NUP210L: variants seen among roughly 807,000 people sequenced by gnomAD.
The protein encoded by NUP210L is nuclear pore membrane glycoprotein 210-like.
In NUP210L, 74 loss-of-function variants were observed where a neutral mutation model predicts 208.5. The observed-to-expected ratio is 0.35, with a 90% CI of 0.29 to 0.43. The LOEUF is 0.43. NUP210L is among the 20% of genes least tolerant of loss of function. The pLI, the probability that NUP210L is intolerant of heterozygous loss-of-function variation, is 1.00. For synonymous variants in NUP210L, 780 were observed against 816.9 expected, an observed-to-expected ratio of 0.95 and a Z score of 0.77; for missense variants, 1,843 against 2,289.4, an observed-to-expected ratio of 0.81 and a Z score of 3.98.
intron 27 of NUP210L, 96 bp downstream of exon 27, chr1:154,045,973 A>G: frequency 1.8e-6 from 2 of 1,126,990 alleles, no homozygotes; most frequent in Non-Finnish European, 2.5e-6. Context: ...GGACAGAGTG[A>G]GACCTCATCT....
At chr1:154,153,903 C>T (rs1378962809) in intron 1 of NUP210L, among the ~76,000 whole-genome samples, 2 of 152,140 alleles carry the variant, frequency 1.3e-5, no homozygotes, top group African/African-American at 4.8e-5. Flanking sequence ...AATTTATACT[C>T]GGAACAAACC....
At chr1:154,011,235 T>C (rs2147908214) in intron 34 of NUP210L, among the ~76,000 whole-genome samples, 1 of 151,628 alleles carries the variant, frequency 6.6e-6, no homozygotes, top group East Asian at 1.9e-4. Flanking sequence ...TTTTTTTTTT[T>C]TTTTTTGAGA....
chr1:154,093,884 G>A (rs1193744361), intron 15 of NUP210L, among the ~76,000 whole-genome samples: 2 of 151,848 alleles, frequency 1.3e-5, no homozygotes, highest in Non-Finnish European at 2.9e-5. Context: ...GGTGTAGTGC[G>A]TCATGCCTAT....
At chr1:154,089,514 A>G (rs767581040) in exon 16 of NUP210L, 1 of 1,614,146 alleles carries the variant, frequency 6.2e-7, no homozygotes, top group Non-Finnish European at 8.5e-7. Context: ...GGTGGGCACA[A>G]ATGAAGCGAA....
chr1:154,055,193 C>CTT (rs1424217306), intron 23 of NUP210L, among the ~76,000 whole-genome samples: 1 of 105,912 alleles, frequency 9.4e-6, no homozygotes, highest in Non-Finnish European at 2.1e-5. Flanking sequence ...CTTTCTTTTT[C>CTT]TTTCTTTCTT....
chr1:154,015,791 C>G (rs1239962813), intron 33 of NUP210L, among the ~76,000 whole-genome samples: 1 of 151,594 alleles, frequency 6.6e-6, no homozygotes, highest in Non-Finnish European at 1.5e-5. Flanking sequence ...CACCTGTGGT[C>G]CCAGCTACTC....
chr1:153,993,327 G>A (rs1649591685), intron 38 of NUP210L, among the ~76,000 whole-genome samples: 1 of 152,148 alleles, frequency 6.6e-6, no homozygotes, highest in South Asian at 2.1e-4. Flanking sequence ...AGCATTTTGG[G>A]AGGCTGAGGT....
At chr1:154,046,831 G>A (rs979979846) in intron 25 of NUP210L, among the ~76,000 whole-genome samples, 2 of 152,180 alleles carry the variant, frequency 1.3e-5, no homozygotes, top group Admixed American at 6.5e-5. Flanking sequence ...TTGGGAGGCC[G>A]GGTGGATCAC....
intron 37 of NUP210L, chr1:153,995,561 A>G (rs1649798494): frequency 1.4e-6 from 1 of 703,434 alleles, no homozygotes; most frequent in African/African-American, 1.7e-5. Context: ...GATGCTTTAA[A>G]TCCTCTGCTA....
chr1:154,131,497 C>T (rs1658250364), intron 7 of NUP210L, among the ~76,000 whole-genome samples: 1 of 152,016 alleles, frequency 6.6e-6, no homozygotes, highest in African/African-American at 2.4e-5. Flanking sequence ...CTCCTTTCTC[C>T]CTTATCTCTG....
At chr1:154,030,009 G>A (rs756160647) in exon 28 of NUP210L, 8 of 1,610,182 alleles carry the variant, frequency 5.0e-6, no homozygotes, top group Non-Finnish European at 6.8e-6. Flanking sequence ...GCTTTTGTAT[G>A]GACAACCATG....
In NUP210L at chr1:154,005,535, G is replaced by T. The variant is rs559856899; in HGVS notation, c.4931-3550C>A. ...GAGCCACCGCGCCCAGTGTTTGTTT[G>T]TTTGTTTGTTTGTTTTTTGAGATGG... is the stretch of plus-strand genomic sequence containing the variant. On this transcript the variant is annotated intron_variant, in intron 35 of 39. Transcript: ENST00000368559. 5.3e-5 allele frequency among the ~76,000 whole-genome samples: 8 copies of T among 150,882 alleles called. No individual in the cohort carries two copies. In the South Asian group the frequency reaches 1.7e-3, roughly 32 times the overall value.
intron 27 of NUP210L, among the ~76,000 whole-genome samples, chr1:154,045,391 TA>T (rs1388607360): frequency 6.6e-6 from 1 of 152,244 alleles, no homozygotes; most frequent in African/African-American, 2.4e-5. Context: ...ATTGTATATT[TA>T]TTTTTTATAC....
chr1:154,110,414 G>C (rs1299329930), intron 12 of NUP210L, among the ~76,000 whole-genome samples: 2 of 150,490 alleles, frequency 1.3e-5, no homozygotes, highest in Non-Finnish European at 2.9e-5. Context: ...TGGGATTACA[G>C]GGGCACGCCA....
At chr1:154,152,328 C>A (rs1444848933) in intron 2 of NUP210L, among the ~76,000 whole-genome samples, 1 of 151,446 alleles carries the variant, frequency 6.6e-6, no homozygotes, top group African/African-American at 2.4e-5. Context: ...TGCGCCACCA[C>A]GCCCGGCTAA....
chr1:154,026,981 G>A (rs1651915471), intron 29 of NUP210L, among the ~76,000 whole-genome samples: 1 of 151,554 alleles, frequency 6.6e-6, no homozygotes, highest in South Asian at 2.1e-4. Flanking sequence ...TACTCAGGAG[G>A]CTGAGGCAGG....
chr1:154,083,413 C>G (rs902500637), intron 16 of NUP210L, among the ~76,000 whole-genome samples: 3 of 152,200 alleles, frequency 2.0e-5, no homozygotes, highest in African/African-American at 4.8e-5. Flanking sequence ...GGCTTCACCT[C>G]TCAACTTCAG....
At chr1:154,116,970 A>G (rs1421564920) in intron 12 of NUP210L, among the ~76,000 whole-genome samples, 1 of 152,160 alleles carries the variant, frequency 6.6e-6, no homozygotes, top group East Asian at 1.9e-4. Context: ...AATAAAGACT[A>G]TACTTTCAGT....
At chr1:154,004,854 CTTTT>C (rs34638973) in intron 35 of NUP210L, among the ~76,000 whole-genome samples, 1 of 114,234 alleles carries the variant, frequency 8.8e-6, no homozygotes, top group Non-Finnish European at 1.7e-5. Flanking sequence ...TTCTTTCTTT[CTTTT>C]TTTTTTTTTT....
Sources: gnomAD v4.1 joint callset for allele counts (sites outside exome capture counted in the v4.1 genomes callset) on GRCh38, gnomAD v4.1.1 for gene constraint, MANE v1.5 for transcripts, NCBI Gene and HGNC (gene_info 2026-07-23, HGNC 2026-07-21) for gene names.